Variants in ATOH8 observed in about 807,000 individuals in gnomAD.
ATOH8 encodes the protein atonal bHLH transcription factor 8.
Under a neutral mutation model 21.2 loss-of-function variants are expected in ATOH8, and 9 were observed. The ratio of observed to expected loss-of-function variants is 0.42; its 90% confidence interval spans 0.26 to 0.74. ATOH8 has a LOEUF of 0.74. Among genes scored for constraint, ATOH8 ranks in the 30% least tolerant of loss-of-function variants. The probability of loss-of-function intolerance (pLI) is 0.24; values close to 1 mark genes in which losing one functional copy is unlikely to be tolerated. For synonymous variants in ATOH8, 253 were observed against 224.0 expected, an observed-to-expected ratio of 1.13 and a Z score of -1.16; for missense variants, 524 against 470.9, an observed-to-expected ratio of 1.11 and a Z score of -1.04.
chr2:85,783,419 T>A (rs1680546740), intron 2 of ATOH8, among the ~76,000 whole-genome samples: 1 of 151,918 alleles, frequency 6.6e-6, no homozygotes, highest in Admixed American at 6.6e-5. Flanking sequence ...ATACAAAAAA[T>A]TAGCCGGGTG....
At chr2:85,771,520 C>T (rs778848434) in intron 2 of ATOH8, among the ~76,000 whole-genome samples, 4 of 152,128 alleles carry the variant, frequency 2.6e-5, no homozygotes, top group Non-Finnish European at 5.9e-5. Context: ...GACCGACCAG[C>T]CAAAAGGCAG....
At chr2:85,756,782 C>T (rs1679714506) in intron 1 of ATOH8, among the ~76,000 whole-genome samples, 1 of 152,206 alleles carries the variant, frequency 6.6e-6, no homozygotes, top group East Asian at 1.9e-4. Context: ...GGAATGCCCT[C>T]CTGGCCAAAT....
chr2:85,767,511 G>A lies in ATOH8; in HGVS notation c.960+3329G>A, dbSNP rs541476173. Among the ~76,000 whole-genome samples, 3 of 146,746 alleles carry A rather than the reference G, an allele frequency of 2.0e-5. No homozygotes were observed. In the East Asian group the frequency reaches 6.3e-4, roughly 31 times the overall value. On this transcript the variant is annotated intron_variant, in intron 2 of 2. Coordinates refer to ENST00000306279, the MANE Select transcript of ATOH8 (RefSeq NM_032827.7). The stretch of plus-strand genomic sequence containing the variant: ...TCAACAGGACATGTGACTACTGTAG[G>A]GGTCCCCAAGCAAGAGATGGGAATC...
At chr2:85,767,806 A>G (rs1213161048) in intron 2 of ATOH8, among the ~76,000 whole-genome samples, 1 of 152,204 alleles carries the variant, frequency 6.6e-6, no homozygotes, top group Non-Finnish European at 1.5e-5. Flanking sequence ...GCCATCAGGA[A>G]GCTGTGGACT....
intron 2 of ATOH8, among the ~76,000 whole-genome samples, chr2:85,776,334 G>A (rs997579963): frequency 2.6e-5 from 4 of 152,232 alleles, no homozygotes; most frequent in African/African-American, 7.2e-5. Flanking sequence ...CAGGAGCTCC[G>A]TAACCTCAGG....
chr2:85,762,062 C>T (rs1188451543), intron 1 of ATOH8, among the ~76,000 whole-genome samples: 2 of 152,188 alleles, frequency 1.3e-5, no homozygotes, highest in South Asian at 2.1e-4. Flanking sequence ...TGGCTTCTCA[C>T]CTCCTCTGGA....
rs1680744118 is a variant in ATOH8 at position 85,790,639 on chromosome 2, A to T, written c.*3749A>T. On this transcript the variant is annotated 3_prime_UTR_variant, in exon 3 of 3. Transcript: ENST00000306279. ...CACCAAGTTCCCCTTTCTCACAGCT[A>T]GTGGAGGCATGAGTAGGCAGGTCCC... Among the ~76,000 whole-genome samples, 1 of 152,078 alleles carries T rather than the reference A, an allele frequency of 6.6e-6. No individual in the cohort carries two copies. The highest frequency in any genetic ancestry group is 1.5e-5 in the Non-Finnish European group (1 of 68,012).
intron 2 of ATOH8, chr2:85,773,196 C>T (rs1000672681): frequency 2.6e-5 from 6 of 230,168 alleles, no homozygotes; most frequent in South Asian, 5.3e-5. Flanking sequence ...GAGAGCTTCA[C>T]GGAGATGTTC....
chr2:85,767,727 T>C (rs1680061564), intron 2 of ATOH8, among the ~76,000 whole-genome samples: 1 of 151,916 alleles, frequency 6.6e-6, no homozygotes, highest in African/African-American at 2.4e-5. Context: ...CAGGAGTGGT[T>C]AGGGTGAGAA....
chr2:85,755,790 C>T (rs958310010), intron 1 of ATOH8, among the ~76,000 whole-genome samples: 41 of 152,116 alleles, frequency 2.7e-4, no homozygotes, highest in Non-Finnish European at 5.1e-4. Context: ...TTCTAGGCTT[C>T]TTATTTTCTT....
intron 2 of ATOH8, chr2:85,774,789 C>A: frequency 1.0e-6 from 1 of 984,572 alleles, no homozygotes; most frequent in South Asian, 4.7e-5. Context: ...CCAATTTACA[C>A]CCCAGCAGCA....
rs531288098 is a variant in ATOH8, at chr2:85,755,750, C to T, written c.768+793C>T. ...GGAAGAATACTTAACCCAAGAATTA[C>T]CCGTGGTGGGGCGGGACAATCGCTT... is the stretch of plus-strand genomic sequence containing the variant. On this transcript the variant is annotated intron_variant, in intron 1 of 2. Coordinates refer to ENST00000306279, the MANE Select transcript of ATOH8 (RefSeq NM_032827.7). Among the ~76,000 whole-genome samples, 5 of 152,238 alleles carry T rather than the reference C, an allele frequency of 3.3e-5. No individual in the cohort carries two copies. In the East Asian group the frequency reaches 9.7e-4, roughly 30 times the overall value.
At chr2:85,775,483 A>G (rs1387162200) in intron 2 of ATOH8, among the ~76,000 whole-genome samples, 2 of 152,054 alleles carry the variant, frequency 1.3e-5, no homozygotes, top group Non-Finnish European at 1.5e-5. Context: ...AATAACAGAA[A>G]CCCCTCAAGC....
intron 2 of ATOH8, chr2:85,781,047 AGAT>A (rs1680474409): frequency 8.1e-6 from 8 of 988,058 alleles, no homozygotes; most frequent in Non-Finnish European, 9.6e-6. Flanking sequence ...CCCTTGGAGA[AGAT>A]GTGAAAGCAG....
intron 2 of ATOH8, among the ~76,000 whole-genome samples, chr2:85,777,865 G>T (rs1680370132): frequency 6.6e-6 from 1 of 152,220 alleles, no homozygotes; most frequent in Non-Finnish European, 1.5e-5. Context: ...ATGAGGTAAG[G>T]CGGTGTTTTC....
At chr2:85,755,057 A>G (rs920562541) in intron 1 of ATOH8, 100 bp downstream of exon 1, 4 of 1,421,480 alleles carry the variant, frequency 2.8e-6, no homozygotes, top group Middle Eastern at 2.5e-4. Flanking sequence ...TTAAGGGGCA[A>G]GCTGCCCCGC....
intron 1 of ATOH8, chr2:85,760,858 C>T (rs1328852711): frequency 1.3e-5 from 2 of 152,382 alleles, no homozygotes; most frequent in East Asian, 1.9e-4. Flanking sequence ...GATGAGGAAA[C>T]GGAGGCTCTG....
chr2:85,764,247 GGGGT>G, intron 2 of ATOH8, 65 bp downstream of exon 2: 1 of 1,587,126 alleles, frequency 6.3e-7, no homozygotes, highest in African/African-American at 1.3e-5. Context: ...CAGGAACTTG[GGGGT>G]GCCCTGCCTA....
At chr2:85,763,940 CAGGCTGGG>C in intron 1 of ATOH8, 43 bp from the exon 2 acceptor site, 2 of 1,575,160 alleles carry the variant, frequency 1.3e-6, no homozygotes, top group East Asian at 4.6e-5. Context: ...CCATGCCTGC[CAGGCTGGG>C]CACTGCGCCC....
Sources: allele counts gnomAD v4.1 joint callset (sites outside exome capture counted in the v4.1 genomes callset), GRCh38; gene constraint gnomAD v4.1.1; transcripts MANE v1.5; gene names NCBI Gene and HGNC (gene_info 2026-07-23, HGNC 2026-07-21).